Variants in DEPDC1B observed in about 807,000 individuals in gnomAD.
The protein encoded by DEPDC1B is DEP domain containing 1B, also known as DEP domain-containing protein 1B.
DEPDC1B carries 51 observed loss-of-function variants against 66.5 expected under a neutral mutation model. The ratio of observed to expected loss-of-function variants is 0.77; its 90% CI spans 0.61 to 0.97. The LOEUF is 0.97. Ranked by LOEUF, DEPDC1B falls within the 50% of genes least tolerant of loss-of-function variation. The pLI, the probability that DEPDC1B is intolerant of heterozygous loss-of-function variation, is 0.00. For missense variants in DEPDC1B, 552 were observed against 637.1 expected (o/e 0.87, Z 1.44); for synonymous variants, 226 against 223.6 (o/e 1.01, Z -0.10).
intron 7 of DEPDC1B, among the ~76,000 whole-genome samples, chr5:60,611,085 C>G (rs1339323682): frequency 1.3e-5 from 2 of 152,214 alleles, no homozygotes; most frequent in Non-Finnish European, 2.9e-5. Context: ...CTATCACCAC[C>G]ATTTTTCCAA....
intron 1 of DEPDC1B, among the ~76,000 whole-genome samples, chr5:60,696,019 G>A (rs1754646340): frequency 6.6e-6 from 1 of 152,122 alleles, no homozygotes; most frequent in South Asian, 2.1e-4. Flanking sequence ...GGATGGTCTT[G>A]ATCTCCTGAC....
At chr5:60,620,509 C>G (rs939056678) in intron 7 of DEPDC1B, among the ~76,000 whole-genome samples, 1 of 152,192 alleles carries the variant, frequency 6.6e-6, no homozygotes, top group East Asian at 1.9e-4. Flanking sequence ...CAAAAGAAGA[C>G]ATTTATGCAG....
intron 2 of DEPDC1B, among the ~76,000 whole-genome samples, chr5:60,675,123 G>A (rs1204830752): frequency 6.6e-6 from 1 of 152,142 alleles, no homozygotes; most frequent in African/African-American, 2.4e-5. Flanking sequence ...ACATGCCTGA[G>A]CCCTCACTGC....
intron 7 of DEPDC1B, among the ~76,000 whole-genome samples, chr5:60,619,671 T>C (rs1379793444): frequency 1.3e-5 from 2 of 152,252 alleles, no homozygotes; most frequent in Non-Finnish European, 2.9e-5. Flanking sequence ...CATTCCATGC[T>C]CATGGGTAGG....
At chr5:60,639,028 C>A in intron 6 of DEPDC1B, 138 bp from the exon 7 acceptor site, 1 of 897,166 alleles carries the variant, frequency 1.1e-6, no homozygotes, top group Non-Finnish European at 1.6e-6. Context: ...GGAAAATTGA[C>A]ATTAATTAAA....
intron 6 of DEPDC1B, among the ~76,000 whole-genome samples, chr5:60,641,292 A>G (rs565073924): frequency 6.6e-6 from 1 of 151,882 alleles, no homozygotes; most frequent in Non-Finnish European, 1.5e-5. Flanking sequence ...TTTACAACAT[A>G]TTACAGACTA....
rs1752853032 is a variant in DEPDC1B at position 60,628,577 on chromosome 5, C to T, written c.898+10173G>A. 2.0e-5 allele frequency: 3 copies of T among 152,130 alleles called. No homozygotes were observed. The South Asian group carries it at 6.2e-4, about 31-fold the overall frequency. 9.4% of individuals were successfully genotyped at this position (152,130 alleles called of 1,614,324 possible). On this transcript the variant is annotated intron_variant, in intron 7 of 10. Transcript: ENST00000265036. ...TTATACTTAGCCAGGATTCAGACTA[C>T]ACATCAATTAGTAAAAATTCTTGCC...
intron 8 of DEPDC1B, among the ~76,000 whole-genome samples, chr5:60,604,218 C>CTTTTTTTTCTTTTTTTTT (rs1752264779): frequency 1.4e-5 from 1 of 68,970 alleles, no homozygotes. Flanking sequence ...ATTAACTATT[C>CTTTTTTTTCTTTTTTTTT]TTTTTTTTTT....
chr5:60,686,880 C>T, intron 2 of DEPDC1B, 82 bp downstream of exon 2: 19 of 1,531,858 alleles, frequency 1.2e-5, no homozygotes, highest in Non-Finnish European at 1.6e-5. Context: ...AATTCTTACA[C>T]ATCAGGAAGC....
chr5:60,625,397 C>T (rs959437113), intron 7 of DEPDC1B, among the ~76,000 whole-genome samples: 3 of 152,156 alleles, frequency 2.0e-5, no homozygotes, highest in Non-Finnish European at 4.4e-5. Context: ...ACATCCTCTC[C>T]AGCATCCGTT....
chr5:60,685,174 C>T (rs1453153302), intron 2 of DEPDC1B, among the ~76,000 whole-genome samples: 3 of 152,166 alleles, frequency 2.0e-5, no homozygotes, highest in Admixed American at 6.5e-5. Context: ...AATGCTCTTT[C>T]GTGGAGCACT....
intron 7 of DEPDC1B, among the ~76,000 whole-genome samples, chr5:60,635,208 CA>C (rs1054840445): frequency 2.0e-5 from 3 of 151,154 alleles, no homozygotes; most frequent in Admixed American, 6.6e-5. Flanking sequence ...AAAAACAAAA[CA>C]AAAAAAAATT....
At chr5:60,632,671 C>G (rs1158996099) in intron 7 of DEPDC1B, among the ~76,000 whole-genome samples, 1 of 152,250 alleles carries the variant, frequency 6.6e-6, no homozygotes, top group Non-Finnish European at 1.5e-5. Flanking sequence ...GCTCAGCACC[C>G]AGGGCCTTGG....
At chr5:60,637,656 C>T (rs1370358163) in intron 7 of DEPDC1B, among the ~76,000 whole-genome samples, 2 of 152,164 alleles carry the variant, frequency 1.3e-5, no homozygotes, top group Non-Finnish European at 2.9e-5. Context: ...CATGGGCCCC[C>T]AATTCTCCTC....
At chr5:60,649,690 T>C (rs1418505184) in intron 2 of DEPDC1B, among the ~76,000 whole-genome samples, 22 of 152,018 alleles carry the variant, frequency 1.4e-4, no homozygotes, top group Non-Finnish European at 1.5e-5. Flanking sequence ...GAACAAACCA[T>C]CTTACACAAA....
At chr5:60,628,081 T>C (rs1752841689) in intron 7 of DEPDC1B, 1 of 152,180 alleles carries the variant, frequency 6.6e-6, no homozygotes, top group Non-Finnish European at 1.5e-5. Flanking sequence ...AAACAATCAT[T>C]TAGCTGGCTT....
intron 2 of DEPDC1B, among the ~76,000 whole-genome samples, chr5:60,680,060 A>G (rs1291079400): frequency 2.0e-5 from 3 of 152,218 alleles, no homozygotes; most frequent in Admixed American, 2.0e-4. Context: ...AAATGACATC[A>G]CAGAAGTAGA....
At chr5:60,600,221 G>A (rs561120518) in intron 9 of DEPDC1B, among the ~76,000 whole-genome samples, 3 of 152,066 alleles carry the variant, frequency 2.0e-5, no homozygotes, top group Non-Finnish European at 2.9e-5. Flanking sequence ...TTACCCATGA[G>A]AATCAAGTAA....
chr5:60,700,120 C>T lies in DEPDC1B; in HGVS notation c.-27G>A. The T allele has an allele frequency of 3.9e-6, 6 of 1,538,614 alleles. No individual in the cohort carries two copies. In the African/African-American group the frequency reaches 4.2e-5, roughly 11 times the overall value. On this transcript the variant is annotated 5_prime_UTR_variant, in exon 1 of 11. Coordinates refer to ENST00000265036, the MANE Select transcript of DEPDC1B (RefSeq NM_018369.3). ...GCGCGTAGGCAGCAGCGGCCGCAGCCGCGCCAGCGCTGATCCCCGCCAGCC... is the reference window on the plus strand; with the variant it reads ...GCGCGTAGGCAGCAGCGGCCGCAGCTGCGCCAGCGCTGATCCCCGCCAGCC...
Sources: gnomAD v4.1 joint callset for allele counts (sites outside exome capture counted in the v4.1 genomes callset) on GRCh38, gnomAD v4.1.1 for gene constraint, MANE v1.5 for transcripts, NCBI Gene and HGNC (gene_info 2026-07-23, HGNC 2026-07-21) for gene names.